The following MAGI2 variants were observed in gnomAD, a reference collection of about 807,000 sequenced individuals.
The protein encoded by MAGI2 is membrane-associated guanylate kinase, WW and PDZ domain-containing protein 2.
Under a neutral mutation model 133.3 loss-of-function variants are expected in MAGI2, and 35 were observed. That is an observed-to-expected ratio of 0.26 (90% confidence interval 0.20 to 0.35). The LOEUF (loss-of-function observed/expected upper bound fraction) is 0.35. Among genes scored for constraint, MAGI2 ranks in the 10% least tolerant of loss-of-function variants. The probability of loss-of-function intolerance (pLI) is 1.00; values close to 1 mark genes in which losing one functional copy is unlikely to be tolerated. For missense variants in MAGI2, 1,636 were observed against 1,863.4 expected (o/e 0.88, Z 2.25); for synonymous variants, 729 against 710.6 (o/e 1.03, Z -0.41).
intron 2 of MAGI2, among the ~76,000 whole-genome samples, chr7:78,680,092 A>G (rs1467428275): frequency 6.6e-6 from 1 of 152,180 alleles, no homozygotes; most frequent in African/African-American, 2.4e-5. Flanking sequence ...AGATATGTAT[A>G]TTTGATTGCA....
chr7:79,004,403 A>T (rs1248957443), intron 2 of MAGI2, among the ~76,000 whole-genome samples: 1 of 152,212 alleles, frequency 6.6e-6, no homozygotes, highest in Non-Finnish European at 1.5e-5. Flanking sequence ...GGAGCTAAAA[A>T]AGTTGATTCC....
chr7:78,306,733 C>T (rs1798269926), intron 9 of MAGI2, among the ~76,000 whole-genome samples: 1 of 152,146 alleles, frequency 6.6e-6, no homozygotes, highest in Non-Finnish European at 1.5e-5. Flanking sequence ...TCATTTGACA[C>T]ATTTCACATG....
intron 2 of MAGI2, among the ~76,000 whole-genome samples, chr7:78,989,949 T>G (rs1805605304): frequency 6.6e-6 from 1 of 152,094 alleles, no homozygotes; most frequent in South Asian, 2.1e-4. Flanking sequence ...CTCTTAAGGA[T>G]GACCAAATTG....
intron 2 of MAGI2, among the ~76,000 whole-genome samples, chr7:78,715,630 TA>T (rs961968779): frequency 6.6e-6 from 1 of 152,116 alleles, no homozygotes; most frequent in African/African-American, 2.4e-5. Flanking sequence ...AATGATTAAC[TA>T]AAAAGCATAG....
intron 6 of MAGI2, among the ~76,000 whole-genome samples, chr7:78,433,415 C>G (rs567145934): frequency 6.6e-6 from 1 of 152,034 alleles, no homozygotes; most frequent in Non-Finnish European, 1.5e-5. Context: ...TATCTATATT[C>G]TTCTTGGTTT....
At chr7:78,196,560 C>G (rs534213693) in intron 11 of MAGI2, among the ~76,000 whole-genome samples, 1 of 152,272 alleles carries the variant, frequency 6.6e-6, no homozygotes, top group East Asian at 1.9e-4. Context: ...GATTCCACCT[C>G]TGGTCTGTCC....
At chr7:78,426,573 T>A (rs1050648836) in intron 6 of MAGI2, among the ~76,000 whole-genome samples, 2 of 152,006 alleles carry the variant, frequency 1.3e-5, no homozygotes, top group African/African-American at 4.8e-5. Flanking sequence ...AACCTGCACA[T>A]TGTGCACATG....
chr7:78,464,543 T>G (rs1790414069), intron 6 of MAGI2, among the ~76,000 whole-genome samples: 1 of 152,052 alleles, frequency 6.6e-6, no homozygotes, highest in African/African-American at 2.4e-5. Context: ...CAAGTAAGAC[T>G]CAAAAGTGTT....
intron 1 of MAGI2, among the ~76,000 whole-genome samples, chr7:79,266,386 A>T (rs557850978): frequency 6.6e-6 from 1 of 151,974 alleles, no homozygotes; most frequent in Admixed American, 6.6e-5. Flanking sequence ...TTTCCAAACC[A>T]TCACAGTGTC....
At chr7:78,771,116 TTCTCTCTC>T (rs150535680) in intron 2 of MAGI2, 2 of 149,750 alleles carry the variant, frequency 1.3e-5, no homozygotes, top group African/African-American at 2.4e-5. Context: ...CATGCAGCAC[TTCTCTCTC>T]TCTCTCTCTG....
chr7:78,311,164 C>A (rs1798669440), intron 9 of MAGI2, among the ~76,000 whole-genome samples: 1 of 152,078 alleles, frequency 6.6e-6, no homozygotes, highest in African/African-American at 2.4e-5. Flanking sequence ...GCTGGGATGA[C>A]AATGGATGAG....
chr7:78,810,630 G>T (rs1209310206), intron 2 of MAGI2, among the ~76,000 whole-genome samples: 1 of 152,020 alleles, frequency 6.6e-6, no homozygotes, highest in Non-Finnish European at 1.5e-5. Context: ...AATGGTACTA[G>T]AATGGGAAAA....
chr7:78,038,732 A>G (rs886701237), intron 21 of MAGI2, among the ~76,000 whole-genome samples: 5 of 152,112 alleles, frequency 3.3e-5, no homozygotes, highest in African/African-American at 4.8e-5. Flanking sequence ...AAGTTGAGGA[A>G]AGAAAGAAGA....
At chr7:79,168,688 A>G (rs1214955649) in intron 1 of MAGI2, among the ~76,000 whole-genome samples, 1 of 151,834 alleles carries the variant, frequency 6.6e-6, no homozygotes, top group Non-Finnish European at 1.5e-5. Flanking sequence ...TTCACACATT[A>G]TTCTTCTAAT....
At chr7:78,197,139 A>C (rs1404693900) in intron 11 of MAGI2, among the ~76,000 whole-genome samples, 1 of 152,204 alleles carries the variant, frequency 6.6e-6, no homozygotes, top group African/African-American at 2.4e-5. Flanking sequence ...TTGATCGCAA[A>C]ATTCATACAG....
chr7:78,951,951 T>A (rs1288289062), intron 2 of MAGI2, among the ~76,000 whole-genome samples: 1 of 152,190 alleles, frequency 6.6e-6, no homozygotes, highest in Non-Finnish European at 1.5e-5. Context: ...ACATTTCACA[T>A]GCCTGCAATT....
chr7:78,119,785 C>T (rs1311618331), intron 20 of MAGI2, among the ~76,000 whole-genome samples: 2 of 151,744 alleles, frequency 1.3e-5, no homozygotes, highest in South Asian at 2.1e-4. Context: ...ACCCTAAAAC[C>T]GCTCTTAAAA....
chr7:79,214,438 T>TATATATATATAA (rs1829823624), intron 1 of MAGI2, among the ~76,000 whole-genome samples: 1 of 124,904 alleles, frequency 8.0e-6, no homozygotes, highest in South Asian at 2.5e-4. Flanking sequence ...TATATATATA[T>TATATATATATAA]ATATAAATAT....
chr7:78,914,578 GATCA>G (rs982001579), intron 2 of MAGI2, among the ~76,000 whole-genome samples: 2 of 151,992 alleles, frequency 1.3e-5, no homozygotes, highest in Non-Finnish European at 2.9e-5. Context: ...AGGAACACAC[GATCA>G]ATCAAATTGA....
Sources: gnomAD v4.1 joint callset for allele counts (sites outside exome capture counted in the v4.1 genomes callset) on GRCh38, gnomAD v4.1.1 for gene constraint, MANE v1.5 for transcripts, NCBI Gene and HGNC (gene_info 2026-07-23, HGNC 2026-07-21) for gene names.